Variants in EPM2A observed in about 807,000 individuals in gnomAD.
EPM2A encodes the protein EPM2A glucan phosphatase, laforin, also known as laforin.
In EPM2A, 21 loss-of-function variants were observed where a neutral mutation model predicts 26.5. That is an observed-to-expected ratio of 0.79 (90% CI 0.56 to 1.14). EPM2A has a LOEUF of 1.14. Ranked by LOEUF, EPM2A falls within the 50% of genes most tolerant of loss-of-function variation. EPM2A has a pLI of 0.00. For synonymous variants in EPM2A, 217 were observed against 177.6 expected, an observed-to-expected ratio of 1.22 and a Z score of -1.76; for missense variants, 458 against 440.8, an observed-to-expected ratio of 1.04 and a Z score of -0.35.
At chr6:145,540,452 TC>T (rs990660367) in intron 2 of EPM2A, among the ~76,000 whole-genome samples, 3 of 152,098 alleles carry the variant, frequency 2.0e-5, no homozygotes, top group Admixed American at 6.6e-5. Flanking sequence ...TCACCTCCCT[TC>T]CCCTGTTACT....
At chr6:145,580,771 T>C (rs1456981947) in intron 2 of EPM2A, among the ~76,000 whole-genome samples, 2 of 152,316 alleles carry the variant, frequency 1.3e-5, no homozygotes, top group African/African-American at 4.8e-5. Context: ...ACATGTCGTA[T>C]TTGGTTTCTG....
intron 2 of EPM2A, among the ~76,000 whole-genome samples, chr6:145,539,566 G>T (rs895164545): frequency 1.3e-5 from 2 of 152,144 alleles, no homozygotes; most frequent in African/African-American, 4.8e-5. Flanking sequence ...GTCCATCATT[G>T]TTTATAATTC....
chr6:145,735,078 CA>C, intron 1 of EPM2A, 119 bp downstream of exon 1: 2 of 618,220 alleles, frequency 3.2e-6, no homozygotes, highest in Non-Finnish European at 4.8e-6. Flanking sequence ...GGGACGCGGG[CA>C]AAAAGCCCGG....
rs80125923 is a variant in EPM2A at position 145,545,468 on chromosome 6, G to A, written c.341-42893C>T. On this transcript the variant is annotated intron_variant, in intron 2 of 3. Transcript: ENST00000450221. ...AAGTACATGAGGAAACATATTCCTC[G>A]TAAAATAGTGGGAGAGGATGCAAAG... 8.9e-4 allele frequency among the ~76,000 whole-genome samples: 136 copies of A among 152,224 alleles called. 3 individuals are homozygous for A. The East Asian group carries it at 0.021, about 24-fold the overall frequency.
intron 1 of EPM2A, among the ~76,000 whole-genome samples, chr6:145,689,911 C>G (rs539927367): frequency 6.6e-6 from 1 of 152,290 alleles, no homozygotes; most frequent in Non-Finnish European, 1.5e-5. Flanking sequence ...CGAGGTGCCC[C>G]TTCTTTCCAC....
At chr6:145,574,983 T>G (rs1781010804) in intron 2 of EPM2A, among the ~76,000 whole-genome samples, 1 of 152,196 alleles carries the variant, frequency 6.6e-6, no homozygotes, top group South Asian at 2.1e-4. Flanking sequence ...TCATGGGTCA[T>G]GCTCTCAACA....
chr6:145,708,387 G>A (rs1782346183), intron 1 of EPM2A, among the ~76,000 whole-genome samples: 1 of 152,164 alleles, frequency 6.6e-6, no homozygotes, highest in Non-Finnish European at 1.5e-5. Context: ...TGGAGAAGCA[G>A]GAGGAAAAAA....
chr6:145,635,332 G>C lies in EPM2A; in HGVS notation c.631C>G (p.Pro211Ala), dbSNP rs748048885. The C allele has an allele frequency of 6.2e-7, 1 of 1,613,950 alleles. No homozygotes were observed. The highest frequency in any genetic ancestry group is 1.3e-5 in the African/African-American group (1 of 74,904). ...TTAATCATAGTGTCTGGAGTCATGG[G>C]CTCTGGGTAGCGGTTACAGCCTGAG... ...NSSGCNRYPE[P>A]MTPDTMIKLY... The change falls in exon 3 of 4, where the codon CCC (proline) becomes GCC (alanine). Residue 211 changes from proline to alanine, a missense_variant. Pro to Ala is a conservative substitution (Grantham distance 27). Transcript: ENST00000367519.
chr6:145,430,288 T>C (rs780541909), intron 4 of EPM2A, among the ~76,000 whole-genome samples: 2 of 152,134 alleles, frequency 1.3e-5, no homozygotes, highest in Non-Finnish European at 1.5e-5. Flanking sequence ...ACATATTTCA[T>C]GTGGAAACAG....
chr6:145,433,098 G>T (rs1778942306), intron 4 of EPM2A, among the ~76,000 whole-genome samples: 1 of 152,078 alleles, frequency 6.6e-6, no homozygotes, highest in Non-Finnish European at 1.5e-5. Flanking sequence ...TTCAAACTTT[G>T]TCCATATCAG....
intron 4 of EPM2A, among the ~76,000 whole-genome samples, chr6:145,408,212 G>A (rs537726821): frequency 3.7e-4 from 56 of 152,190 alleles, no homozygotes; most frequent in Non-Finnish European, 2.2e-4. Context: ...TTTGAGTGAG[G>A]CATTTTCTAT....
At position 145,435,129 on chromosome 6, in the gene EPM2A, T is replaced by C. The variant is rs192758447; in HGVS notation, c.556-51032A>G. ...CAGAAGCATGAGCCAATTAAACTTC[T>C]TTTTATTTACTTATTCATTTTTTAA... On this transcript the variant is annotated intron_variant, in intron 4 of 4. Transcript: ENST00000638717. Among the ~76,000 whole-genome samples, 1,343 of 152,314 alleles carry C rather than the reference T, an allele frequency of 8.8e-3. 56 individuals carry two copies. Among genetic ancestry groups the C allele is most frequent in the Admixed American group, 0.083 (1,266 of 15,294 alleles).
downstream of EPM2A, among the ~76,000 whole-genome samples, chr6:145,621,967 T>C (rs1775646815): frequency 1.3e-5 from 2 of 152,194 alleles, no homozygotes; most frequent in Admixed American, 6.5e-5. Context: ...TGCTTATTTT[T>C]GCTTTTGTTG....
At chr6:145,718,808 C>T (rs1445857467) in intron 1 of EPM2A, among the ~76,000 whole-genome samples, 1 of 152,092 alleles carries the variant, frequency 6.6e-6, no homozygotes, top group Non-Finnish European at 1.5e-5. Flanking sequence ...AACAAGTGGG[C>T]GAAGGACATG....
At chr6:145,576,887 A>G (rs970682236) in intron 2 of EPM2A, among the ~76,000 whole-genome samples, 8 of 152,050 alleles carry the variant, frequency 5.3e-5, no homozygotes, top group Admixed American at 4.6e-4. Flanking sequence ...AAATTGAGTT[A>G]AAGTGTAGAG....
intron 2 of EPM2A, among the ~76,000 whole-genome samples, chr6:145,584,227 T>C (rs1425822468): frequency 6.6e-6 from 1 of 152,122 alleles, no homozygotes; most frequent in African/African-American, 2.4e-5. Flanking sequence ...GTTGTGTCAG[T>C]AGGGTCCAGT....
At chr6:145,502,065 T>C (rs9484998) in intron 3 of EPM2A, among the ~76,000 whole-genome samples, 14,046 of 152,224 alleles carry the variant, frequency 0.092, 795 homozygotes, top group East Asian at 0.17. Flanking sequence ...TATTATCTAA[T>C]TGGACATTGG....
chr6:145,436,904 T>C (rs1202286157), intron 4 of EPM2A, among the ~76,000 whole-genome samples: 1 of 152,192 alleles, frequency 6.6e-6, no homozygotes, highest in Non-Finnish European at 1.5e-5. Context: ...ATATTCTCTA[T>C]TTGGTAAAAC....
chr6:145,524,195 G>A (rs1562369155), intron 2 of EPM2A, among the ~76,000 whole-genome samples: 1 of 152,096 alleles, frequency 6.6e-6, no homozygotes, highest in African/African-American at 2.4e-5. Flanking sequence ...CACCATTGAT[G>A]GGCATCTAGG....
Sources: allele counts gnomAD v4.1 joint callset (sites outside exome capture counted in the v4.1 genomes callset), GRCh38; gene constraint gnomAD v4.1.1; transcripts MANE v1.5; gene names NCBI Gene and HGNC (gene_info 2026-07-23, HGNC 2026-07-21).